Variants in HEATR5B observed in about 807,000 individuals in gnomAD.
HEATR5B encodes the protein HEAT repeat-containing protein 5B.
HEATR5B carries 156 observed loss-of-function variants against 224.1 expected under a neutral mutation model. The ratio of observed to expected loss-of-function variants is 0.70; its 90% confidence interval spans 0.61 to 0.80. The LOEUF (loss-of-function observed/expected upper bound fraction) is 0.80, where lower values mean the gene tolerates loss of function less well. Ranked by LOEUF, HEATR5B falls within the 30% of genes least tolerant of loss-of-function variation. HEATR5B has a pLI of 0.00. For synonymous variants in HEATR5B, 1,027 were observed against 893.0 expected, an observed-to-expected ratio of 1.15 and a Z score of -2.68; for missense variants, 2,323 against 2,535.5, an observed-to-expected ratio of 0.92 and a Z score of 1.80.
At chr2:37,063,332 GA>G (rs752782788) in intron 10 of HEATR5B, among the ~76,000 whole-genome samples, 1 of 152,132 alleles carries the variant, frequency 6.6e-6, no homozygotes, top group Non-Finnish European at 1.5e-5. Context: ...CTTCGAAGCT[GA>G]AAAAGGCCAG....
chr2:36,985,229 CATTT>C (rs781399481), intron 35 of HEATR5B, among the ~76,000 whole-genome samples: 6 of 152,110 alleles, frequency 3.9e-5, no homozygotes, highest in Non-Finnish European at 5.9e-5. Flanking sequence ...TACATTCATT[CATTT>C]ATTTGATGGT....
rs776867719 is a variant in HEATR5B at position 37,005,682 on chromosome 2, G to A, written c.4855C>T (p.His1619Tyr). 6.8e-6 allele frequency: 11 copies of A among 1,613,122 alleles called. No homozygotes were observed. The highest frequency in any genetic ancestry group is 9.3e-6 in the Non-Finnish European group (11 of 1,179,156). The change falls in exon 30 of 36, where the codon CAT (histidine) becomes TAT (tyrosine). Residue 1619 changes from histidine (H) to tyrosine (Y), a missense_variant. Transcript: ENST00000233099. ...EHVTACLQAL[H>Y]TLLDSPYARV... ...GCATAAGGGGAGTCTAGCAAGGTAT[G>A]TAAGGCCTGCAGGCATGCTGTAACA... is the stretch of plus-strand genomic sequence containing the variant.
At chr2:37,034,930 T>C (rs1246456014) in intron 21 of HEATR5B, among the ~76,000 whole-genome samples, 1 of 152,160 alleles carries the variant, frequency 6.6e-6, no homozygotes, top group Non-Finnish European at 1.5e-5. Context: ...CCATAACTAA[T>C]TACAAAGTTC....
intron 22 of HEATR5B, among the ~76,000 whole-genome samples, chr2:37,031,350 G>A (rs561325204): frequency 1.3e-5 from 2 of 151,134 alleles, no homozygotes; most frequent in South Asian, 2.1e-4. Flanking sequence ...AAATACATAC[G>A]TTAGTAAATA....
rs760734297 is a variant in HEATR5B at position 37,002,382 on chromosome 2, T to C, written c.5241A>G (p.Leu1747=). The part of the protein sequence containing the change: ...SPSHIATKTR[L]SEESARLVAA... ...CCACCAAACGAGCACTTTCTTCTGA[T>C]AGTCGAGTTTTAGTGGCTATGTGAC... Residue 1747 remains leucine, a synonymous_variant, in exon 32 of 36, where the codon CTA becomes CTG. Coordinates refer to ENST00000233099, the MANE Select transcript of HEATR5B (RefSeq NM_019024.3). 2.1e-5 allele frequency: 34 copies of C among 1,614,100 alleles called. No individual in the cohort carries two copies. Among genetic ancestry groups the C allele is most frequent in the Non-Finnish European group, 2.5e-5 (30 of 1,180,040 alleles).
At chr2:36,997,590 G>T (rs1346324144) in intron 33 of HEATR5B, among the ~76,000 whole-genome samples, 1 of 111,118 alleles carries the variant, frequency 9.0e-6, no homozygotes, top group African/African-American at 3.6e-5. Context: ...TTTTTGAGAC[G>T]GAGTCTCGCT....
intron 4 of HEATR5B, chr2:37,075,847 A>C (rs1244392492): frequency 5.7e-6 from 2 of 353,154 alleles, no homozygotes; most frequent in Non-Finnish European, 1.0e-5. Context: ...ATTAGGTTTT[A>C]AGTAAATATA....
At chr2:36,995,116 G>C (rs1364299495) in intron 33 of HEATR5B, among the ~76,000 whole-genome samples, 1 of 83,784 alleles carries the variant, frequency 1.2e-5, no homozygotes, top group Non-Finnish European at 2.5e-5. Context: ...CTGAGATGGA[G>C]TCTTGCTCTG....
chr2:37,059,956 C>G (rs1440027621), intron 12 of HEATR5B, among the ~76,000 whole-genome samples: 1 of 152,112 alleles, frequency 6.6e-6, no homozygotes, highest in East Asian at 1.9e-4. Context: ...ACATGTATCT[C>G]TCTCCCAGTT....
chr2:37,070,628 G>A (rs1475247437), intron 6 of HEATR5B, among the ~76,000 whole-genome samples: 1 of 152,140 alleles, frequency 6.6e-6, no homozygotes, highest in East Asian at 1.9e-4. Flanking sequence ...ACGCAAAATA[G>A]TCTAATAATA....
intron 35 of HEATR5B, among the ~76,000 whole-genome samples, chr2:36,983,069 T>C (rs969768282): frequency 1.3e-5 from 2 of 152,154 alleles, no homozygotes; most frequent in African/African-American, 4.8e-5. Context: ...TTTGAATGAA[T>C]AAACATACAT....
intron 15 of HEATR5B, among the ~76,000 whole-genome samples, chr2:37,056,856 C>A (rs1670944728): frequency 6.6e-6 from 1 of 152,178 alleles, no homozygotes; most frequent in Non-Finnish European, 1.5e-5. Flanking sequence ...CACCACCCAC[C>A]TTATTGCGTG....
chr2:37,012,688 C>T (rs927565161), intron 27 of HEATR5B, among the ~76,000 whole-genome samples: 2 of 152,172 alleles, frequency 1.3e-5, no homozygotes, highest in Non-Finnish European at 2.9e-5. Context: ...CCACGCCTGG[C>T]CTAGGGCGCA....
chr2:37,003,795 A>G (rs1667244070), intron 30 of HEATR5B, 109 bp from the exon 31 acceptor site: 1 of 675,130 alleles, frequency 1.5e-6, no homozygotes. Context: ...TCAGGTAGCT[A>G]AAATTAAAAT....
chr2:36,988,996 A>G, intron 34 of HEATR5B, 137 bp from the exon 35 acceptor site: 1 of 637,892 alleles, frequency 1.6e-6, no homozygotes. Flanking sequence ...TACTTAGAGA[A>G]ATGGAGTAGA....
intron 26 of HEATR5B, among the ~76,000 whole-genome samples, chr2:37,016,422 C>G (rs1668123469): frequency 1.3e-5 from 2 of 152,024 alleles, no homozygotes; most frequent in South Asian, 4.2e-4. Context: ...CATGTCCTTA[C>G]TTTCTCATCT....
rs1672179550 is a variant in HEATR5B at position 37,075,611 on chromosome 2, T to C, written c.471A>G (p.Leu157=). 1 of 1,613,118 alleles carries C rather than the reference T, an allele frequency of 6.2e-7. No homozygotes were observed. The highest frequency in any genetic ancestry group is 1.3e-5 in the African/African-American group (1 of 74,886). ...SAESQGRSEI[L]MSLQKVLSGL... Reference sequence around the variant, plus strand: ...CACTTAGAACTTTCTGTAGACTCATTAAGATTTCACTTCGCCCTTGAGACT... The same window carrying C: ...CACTTAGAACTTTCTGTAGACTCATCAAGATTTCACTTCGCCCTTGAGACT... Residue 157 remains leucine, a synonymous_variant, in exon 5 of 36, where the codon TTA becomes TTG. Transcript: ENST00000233099.
intron 27 of HEATR5B, among the ~76,000 whole-genome samples, chr2:37,012,119 T>C (rs1667823994): frequency 6.6e-6 from 1 of 152,182 alleles, no homozygotes; most frequent in African/African-American, 2.4e-5. Flanking sequence ...AAACTACACA[T>C]AATGCTACTA....
intron 35 of HEATR5B, among the ~76,000 whole-genome samples, chr2:36,983,561 C>CA (rs1665727440): frequency 6.7e-6 from 1 of 148,548 alleles, no homozygotes; most frequent in African/African-American, 2.5e-5. Context: ...CAAAACAAAA[C>CA]AAAAAAACCC....
Sources: allele counts gnomAD v4.1 joint callset (sites outside exome capture counted in the v4.1 genomes callset), GRCh38; gene constraint gnomAD v4.1.1; transcripts MANE v1.5; gene names NCBI Gene and HGNC (gene_info 2026-07-23, HGNC 2026-07-21).